The following LRRIQ3 variants were observed in gnomAD, a reference collection of about 807,000 sequenced individuals.
The protein encoded by LRRIQ3 is leucine rich repeats and IQ motif containing 3, also known as leucine-rich repeat and IQ domain-containing protein 3.
A neutral mutation model predicts 59.3 loss-of-function variants in LRRIQ3; 75 were observed. The observed-to-expected ratio is 1.26, with a 90% CI of 1.05 to 1.53. The LOEUF is 1.53. LRRIQ3 is among the 40% of genes most tolerant of loss of function. The pLI is 0.00. For missense variants in LRRIQ3, 831 were observed against 710.0 expected (o/e 1.17, Z -1.94); for synonymous variants, 250 against 231.3 (o/e 1.08, Z -0.73).
chr1:74,085,954 G>A (rs1646323778), intron 5 of LRRIQ3, among the ~76,000 whole-genome samples: 2 of 152,112 alleles, frequency 1.3e-5, no homozygotes, highest in South Asian at 4.1e-4. Context: ...TGAGAAAAAA[G>A]CTGCTGGTAG....
chr1:74,127,017 T>A (rs955503671), intron 4 of LRRIQ3, among the ~76,000 whole-genome samples: 1 of 151,966 alleles, frequency 6.6e-6, no homozygotes, highest in African/African-American at 2.4e-5. Context: ...ATTTGCTTTA[T>A]ATATTTGGGT....
intron 5 of LRRIQ3, among the ~76,000 whole-genome samples, chr1:74,093,536 C>T (rs1019582265): frequency 6.6e-6 from 1 of 152,066 alleles, no homozygotes; most frequent in Non-Finnish European, 1.5e-5. Context: ...TGAGTTATAT[C>T]TTGTCTAAGT....
In LRRIQ3 at chr1:74,041,929, C is replaced by T. The variant is rs984966858; in HGVS notation, c.1002G>A (p.Gln334=). The stretch of plus-strand genomic sequence containing the variant: ...CATCCACAATTTCATCTTCAGACTC[C>T]TGACCTACATCAAACAGAAGCAAAT... ...KTSRHLIQKG[Q]ESEDEIVDEK... The change falls in exon 7 of 8, where the codon CAG becomes CAA. Residue 334 remains glutamine, a synonymous_variant. Coordinates refer to ENST00000354431, the MANE Select transcript of LRRIQ3 (RefSeq NM_001105659.2). The T allele has an allele frequency of 3.0e-5, 48 of 1,595,172 alleles. No individual in the cohort carries two copies. Among genetic ancestry groups the T allele is most frequent in the Non-Finnish European group, 3.8e-5 (45 of 1,171,630 alleles).
chr1:74,049,223 C>G (rs2100410499), intron 6 of LRRIQ3, among the ~76,000 whole-genome samples: 1 of 152,274 alleles, frequency 6.6e-6, no homozygotes, highest in African/African-American at 2.4e-5. Context: ...GAGACGCTCA[C>G]AGAGGTAAGG....
At chr1:74,155,675 C>T (rs1215473025) in intron 4 of LRRIQ3, 58 bp downstream of exon 4, 1 of 1,446,408 alleles carries the variant, frequency 6.9e-7, no homozygotes, top group African/African-American at 1.5e-5. Flanking sequence ...GACTTCTTAT[C>T]ATTTATTTCT....
At chr1:74,073,340 C>G (rs1655078998) in intron 6 of LRRIQ3, among the ~76,000 whole-genome samples, 1 of 151,966 alleles carries the variant, frequency 6.6e-6, no homozygotes. Context: ...GGTGAAACTC[C>G]ATCTCTACAA....
At chr1:74,081,692 C>T (rs1221637879) in intron 5 of LRRIQ3, among the ~76,000 whole-genome samples, 3 of 150,906 alleles carry the variant, frequency 2.0e-5, no homozygotes, top group African/African-American at 4.9e-5. Context: ...TTTTTGTTTA[C>T]GTTTCAATAC....
In LRRIQ3 at chr1:74,155,714, TAAAGA is replaced by T; in HGVS notation, c.707+14_707+18del. The T allele has an allele frequency of 6.4e-7, 1 of 1,552,314 alleles. No homozygotes were observed. The highest frequency in any genetic ancestry group is 1.3e-5 in the South Asian group (1 of 79,632). On this transcript the variant is annotated intron_variant, in intron 4 of 7. Coordinates refer to ENST00000354431, the MANE Select transcript of LRRIQ3 (RefSeq NM_001105659.2). The stretch of plus-strand genomic sequence containing the variant: ...CCTTCTTATTTCAATATTCAAATGG[TAAAGA>T]AAACAAAACATACCTCAAATTTTTT...
At chr1:74,101,361 A>G (rs557887751) in intron 5 of LRRIQ3, among the ~76,000 whole-genome samples, 1 of 152,192 alleles carries the variant, frequency 6.6e-6, no homozygotes, top group Non-Finnish European at 1.5e-5. Context: ...ACAATGAGAT[A>G]TCATCTCACA....
intron 4 of LRRIQ3, among the ~76,000 whole-genome samples, chr1:74,117,673 G>A (rs543271578): frequency 1.4e-3 from 218 of 152,218 alleles, no homozygotes; most frequent in African/African-American, 4.9e-3. Flanking sequence ...GGCTGAGGCA[G>A]GAGAATCACT....
intron 1 of LRRIQ3, among the ~76,000 whole-genome samples, chr1:74,189,504 G>A (rs75845283): frequency 3.3e-5 from 5 of 152,218 alleles, no homozygotes; most frequent in East Asian, 3.9e-4. Context: ...TTATGAGGAC[G>A]AAATAAGTCA....
chr1:74,028,030 A>G (rs1193320174), intron 7 of LRRIQ3, among the ~76,000 whole-genome samples: 1 of 152,040 alleles, frequency 6.6e-6, no homozygotes, highest in Non-Finnish European at 1.5e-5. Context: ...TTCCAGTCAG[A>G]AAGTGGAAGA....
intron 5 of LRRIQ3, among the ~76,000 whole-genome samples, chr1:74,096,313 T>C (rs887365816): frequency 2.0e-5 from 3 of 152,142 alleles, no homozygotes; most frequent in Non-Finnish European, 2.9e-5. Context: ...TATATTGGTA[T>C]GGTGGATCCT....
intron 4 of LRRIQ3, among the ~76,000 whole-genome samples, chr1:74,120,368 G>A (rs1474398682): frequency 1.3e-5 from 2 of 151,796 alleles, no homozygotes; most frequent in African/African-American, 2.4e-5. Flanking sequence ...CGCCCACCTC[G>A]GCCTTCCAAA....
At chr1:74,058,891 A>G (rs370659922) in intron 6 of LRRIQ3, among the ~76,000 whole-genome samples, 1 of 152,074 alleles carries the variant, frequency 6.6e-6, no homozygotes, top group Admixed American at 6.6e-5. Flanking sequence ...TTGATGTATC[A>G]TTTTACATCC....
chr1:74,103,166 G>A (rs1325776081), intron 5 of LRRIQ3, among the ~76,000 whole-genome samples: 1 of 151,912 alleles, frequency 6.6e-6, no homozygotes, highest in African/African-American at 2.4e-5. Context: ...GTGGCTGACT[G>A]ACTAAATTGT....
chr1:74,177,169 T>C (rs576544099), intron 3 of LRRIQ3, among the ~76,000 whole-genome samples: 1 of 152,252 alleles, frequency 6.6e-6, no homozygotes, highest in African/African-American at 2.4e-5. Context: ...AGCTTCAGGT[T>C]TTGGATATAT....
chr1:74,119,889 C>G (rs373177967), intron 4 of LRRIQ3, among the ~76,000 whole-genome samples: 1 of 152,038 alleles, frequency 6.6e-6, no homozygotes, highest in East Asian at 1.9e-4. Context: ...TTGGATATTA[C>G]AAAGCATTTA....
At chr1:74,114,883 T>C (rs1322376740) in intron 4 of LRRIQ3, among the ~76,000 whole-genome samples, 2 of 152,044 alleles carry the variant, frequency 1.3e-5, no homozygotes, top group Non-Finnish European at 2.9e-5. Flanking sequence ...GACATATCTG[T>C]GAATAATGTT....
Sources: gnomAD v4.1 joint callset for allele counts (sites outside exome capture counted in the v4.1 genomes callset) on GRCh38, gnomAD v4.1.1 for gene constraint, MANE v1.5 for transcripts, NCBI Gene and HGNC (gene_info 2026-07-23, HGNC 2026-07-21) for gene names.